Variants in OR51B5 observed in about 807,000 individuals in gnomAD.
OR51B5 encodes the protein olfactory receptor 51B5.
For synonymous variants in OR51B5, 186 were observed against 144.8 expected (o/e 1.28, Z -2.04); for missense variants, 456 against 374.6 (o/e 1.22, Z -1.79).
intron 1 of OR51B5, chr11:5,390,221 C>T: frequency 8.1e-6 from 13 of 1,614,000 alleles, no homozygotes; most frequent in South Asian, 1.1e-5. Context: ...CCTGGTGCAC[C>T]GTTTTGGGAA....
intron 1 of OR51B5, chr11:5,402,677 C>T (rs1040393370): frequency 4.5e-5 from 21 of 471,156 alleles, no homozygotes; most frequent in Non-Finnish European, 7.9e-5. Flanking sequence ...AGTCAGAGCA[C>T]CTCTGGATAT....
chr11:5,432,482 T>C (rs1211804701), intron 1 of OR51B5, among the ~76,000 whole-genome samples: 1 of 152,222 alleles, frequency 6.6e-6, no homozygotes, highest in Non-Finnish European at 1.5e-5. Flanking sequence ...AATGTAATAA[T>C]ACTATTCTTT....
intron 1 of OR51B5, among the ~76,000 whole-genome samples, chr11:5,363,750 A>G (rs1849323062): frequency 6.6e-6 from 1 of 152,314 alleles, no homozygotes; most frequent in South Asian, 2.1e-4. Flanking sequence ...AAAGCGGGAA[A>G]GTAGCATTTT....
At chr11:5,396,393 T>C (rs1278452785) in intron 1 of OR51B5, among the ~76,000 whole-genome samples, 1 of 152,168 alleles carries the variant, frequency 6.6e-6, no homozygotes, top group Non-Finnish European at 1.5e-5. Flanking sequence ...AAAATCAATG[T>C]GCAAAAATCA....
At chr11:5,493,764 C>T (rs1236973838) in intron 1 of OR51B5, among the ~76,000 whole-genome samples, 1 of 152,066 alleles carries the variant, frequency 6.6e-6, no homozygotes, top group Admixed American at 6.6e-5. Context: ...CCATTAATTG[C>T]TACCATATAC....
intron 1 of OR51B5, among the ~76,000 whole-genome samples, chr11:5,453,105 C>T (rs1238367954): frequency 6.6e-6 from 1 of 152,202 alleles, no homozygotes; most frequent in African/African-American, 2.4e-5. Flanking sequence ...TCCTGACTTT[C>T]TTCTCTTGTG....
At position 5,405,661 on chromosome 11, in the gene OR51B5, ATAAATT is replaced by A. The variant is rs1850047890; in HGVS notation, n.85-58757_85-58752del. 7.2e-5 allele frequency among the ~76,000 whole-genome samples: 11 copies of A among 152,364 alleles called. No individual in the cohort carries two copies. In the South Asian group the frequency reaches 2.3e-3, roughly 32 times the overall value. On this transcript the variant is annotated intron_variant and non_coding_transcript_variant, in intron 1 of 4. Transcript: ENST00000415970. ...CGACACACCTATAAAGCTTCTGAAT[ATAAATT>A]TAAACATTTTAAATAGTTTGCTTGC...
At chr11:5,361,071 C>T (rs1333521521) in intron 1 of OR51B5, among the ~76,000 whole-genome samples, 1 of 152,072 alleles carries the variant, frequency 6.6e-6, no homozygotes, top group Non-Finnish European at 1.5e-5. Context: ...AGCACACCAA[C>T]ATGGCACATG....
chr11:5,434,085 G>C (rs528503515), intron 1 of OR51B5, among the ~76,000 whole-genome samples: 1 of 152,242 alleles, frequency 6.6e-6, no homozygotes, highest in East Asian at 1.9e-4. Flanking sequence ...AGAATCACCT[G>C]AAGAACTTAA....
chr11:5,350,901 G>C (rs1283442867), intron 1 of OR51B5, among the ~76,000 whole-genome samples: 1 of 152,122 alleles, frequency 6.6e-6, no homozygotes, highest in Non-Finnish European at 1.5e-5. Context: ...TTCATCAATT[G>C]AATTTTCCCT....
intron 1 of OR51B5, chr11:5,355,674 T>C (rs2133692261): frequency 6.6e-6 from 1 of 152,174 alleles, no homozygotes; most frequent in Admixed American, 6.6e-5. Flanking sequence ...GTGTACTGTA[T>C]CCACAAATCA....
At chr11:5,409,954 C>G (rs1850119317) in intron 1 of OR51B5, among the ~76,000 whole-genome samples, 1 of 152,068 alleles carries the variant, frequency 6.6e-6, no homozygotes, top group Non-Finnish European at 1.5e-5. Flanking sequence ...GCTGGCTTCT[C>G]AGTAGAAATG....
intron 1 of OR51B5, among the ~76,000 whole-genome samples, chr11:5,415,051 A>C (rs1270124395): frequency 6.6e-6 from 1 of 152,090 alleles, no homozygotes; most frequent in Admixed American, 6.6e-5. Flanking sequence ...CAAATGTAAA[A>C]GAACAGAAAT....
chr11:5,492,576 C>T (rs1057183728), intron 1 of OR51B5, among the ~76,000 whole-genome samples: 8 of 152,290 alleles, frequency 5.3e-5, no homozygotes, highest in African/African-American at 1.9e-4. Flanking sequence ...ACTTTCTGTT[C>T]ACCTGTTCCA....
At chr11:5,359,822 G>A (rs955001149) in intron 1 of OR51B5, among the ~76,000 whole-genome samples, 1 of 151,772 alleles carries the variant, frequency 6.6e-6, no homozygotes, top group Non-Finnish European at 1.5e-5. Flanking sequence ...CAGAACAGAG[G>A]CCTCAGAAAT....
At chr11:5,435,808 T>C (rs1367570299) in intron 1 of OR51B5, among the ~76,000 whole-genome samples, 1 of 152,204 alleles carries the variant, frequency 6.6e-6, no homozygotes, top group African/African-American at 2.4e-5. Flanking sequence ...TGTAGTTTTT[T>C]CTAACACTAT....
At chr11:5,342,657 A>ATGTTAT in exon 1 of OR51B5, 1 of 1,613,622 alleles carries the variant, frequency 6.2e-7, no homozygotes, top group Non-Finnish European at 8.5e-7. Context: ...TTGACACTAT[A>ATGTTAT]TGTTATAGGA....
At chr11:5,374,522 T>A (rs1849493596) in intron 1 of OR51B5, among the ~76,000 whole-genome samples, 1 of 151,996 alleles carries the variant, frequency 6.6e-6, no homozygotes, top group Non-Finnish European at 1.5e-5. Context: ...CTTCAGACGA[T>A]GAAACTACTC....
At position 5,475,407 on chromosome 11, in the gene OR51B5, G is replaced by C. The variant is rs1851288196; in HGVS notation, n.84+30162C>G. Among the ~76,000 whole-genome samples the C allele has an allele frequency of 2.0e-5, 3 of 151,978 alleles. No homozygotes were observed. In the South Asian group the frequency reaches 6.2e-4, roughly 32 times the overall value. ...GATGCAAGGATCACTCCAACCTCAA[G>C]GCCTTAACAAATGCTGTTTCACATG... is the stretch of plus-strand genomic sequence containing the variant. On this transcript the variant is annotated intron_variant and non_coding_transcript_variant, in intron 1 of 4. Coordinates refer to the OR51B5 transcript ENST00000415970.
Sources: gnomAD v4.1 joint callset for allele counts (sites outside exome capture counted in the v4.1 genomes callset) on GRCh38, gnomAD v4.1.1 for gene constraint, MANE v1.5 for transcripts, NCBI Gene and HGNC (gene_info 2026-07-23, HGNC 2026-07-21) for gene names.